Variants in KIAA1328 observed in about 807,000 individuals in gnomAD.
KIAA1328 encodes the protein KIAA1328.
Under a neutral mutation model 68.1 loss-of-function variants are expected in KIAA1328, and 52 were observed. That is an observed-to-expected ratio of 0.76 (90% CI 0.61 to 0.96). The LOEUF is 0.96. Ranked by LOEUF, KIAA1328 falls within the 40% of genes least tolerant of loss-of-function variation. KIAA1328 has a pLI of 0.00. For missense variants in KIAA1328, 641 were observed against 677.6 expected, an observed-to-expected ratio of 0.95 and a Z score of 0.60; for synonymous variants, 232 against 239.4, an observed-to-expected ratio of 0.97 and a Z score of 0.28.
At chr18:36,869,332 C>G in intron 4 of KIAA1328, among the ~76,000 whole-genome samples, 1 of 152,140 alleles carries the variant, frequency 6.6e-6, no homozygotes, top group Non-Finnish European at 1.5e-5. Context: ...TCTAACCAGA[C>G]CCTACCTCCT....
chr18:37,215,308 T>G (rs534848714), intron 9 of KIAA1328, among the ~76,000 whole-genome samples: 178 of 152,044 alleles, frequency 1.2e-3, no homozygotes, highest in African/African-American at 4.1e-3. Flanking sequence ...GCTCTTATTA[T>G]TTCAGGATAC....
chr18:36,954,998 T>A (rs2051347034), intron 5 of KIAA1328, among the ~76,000 whole-genome samples: 1 of 152,008 alleles, frequency 6.6e-6, no homozygotes, highest in Admixed American at 6.6e-5. Flanking sequence ...TTTTTATCCA[T>A]CCTTTCTTCT....
intron 6 of KIAA1328, among the ~76,000 whole-genome samples, chr18:37,021,106 C>G (rs1162697974): frequency 2.0e-5 from 3 of 152,172 alleles, no homozygotes; most frequent in African/African-American, 7.2e-5. Context: ...TTTAACTATA[C>G]TAGAGCTGCT....
intron 6 of KIAA1328, among the ~76,000 whole-genome samples, chr18:36,966,800 G>T (rs764457854): frequency 2.6e-5 from 4 of 152,116 alleles, no homozygotes; most frequent in Non-Finnish European, 4.4e-5. Flanking sequence ...GATGGAAATG[G>T]GTTCCATGGT....
intron 6 of KIAA1328, among the ~76,000 whole-genome samples, chr18:37,063,276 A>G (rs982545268): frequency 6.6e-6 from 1 of 152,098 alleles, no homozygotes; most frequent in African/African-American, 2.4e-5. Flanking sequence ...TGGCCCGCCC[A>G]CAACATAGCA....
In KIAA1328 at chr18:36,835,352, C is replaced by T; in HGVS notation, c.213C>T (p.Gly71=). The T allele has an allele frequency of 6.2e-7, 1 of 1,612,538 alleles. No homozygotes were observed. The highest frequency in any genetic ancestry group is 1.7e-4 in the Middle Eastern group (1 of 6,050). The change falls in exon 3 of 10, where the codon GGC becomes GGT. Residue 71 remains glycine, a synonymous_variant. Transcript: ENST00000280020. Reference sequence around the variant, plus strand: ...CAATCTCCATGGAGTCCTTAAAAGGCACAGGAGATTCAGTAGATGAACAGG... The same window carrying T: ...CAATCTCCATGGAGTCCTTAAAAGGTACAGGAGATTCAGTAGATGAACAGG... ...DASISMESLK[G]TGDSVDEQNS... is the part of the protein sequence containing the mutation.
At chr18:37,034,221 A>G (rs2054941680) in intron 6 of KIAA1328, among the ~76,000 whole-genome samples, 1 of 152,094 alleles carries the variant, frequency 6.6e-6, no homozygotes, top group Admixed American at 6.6e-5. Flanking sequence ...GTATTAAATG[A>G]TTTTTGCTGT....
At chr18:37,179,378 G>GT (rs1226729657) in intron 9 of KIAA1328, among the ~76,000 whole-genome samples, 1 of 152,186 alleles carries the variant, frequency 6.6e-6, no homozygotes, top group African/African-American at 2.4e-5. Context: ...TCAGTTGGCT[G>GT]TAAGTACATA....
At chr18:36,936,322 G>C (rs1310778862) in intron 5 of KIAA1328, among the ~76,000 whole-genome samples, 1 of 152,086 alleles carries the variant, frequency 6.6e-6, no homozygotes, top group Non-Finnish European at 1.5e-5. Flanking sequence ...TCCCCTCTCT[G>C]TGTCCATGTG....
intron 7 of KIAA1328, among the ~76,000 whole-genome samples, chr18:37,109,373 ACCC>A (rs1248322428): frequency 6.6e-6 from 1 of 152,144 alleles, no homozygotes; most frequent in African/African-American, 2.4e-5. Context: ...AAAACATGTT[ACCC>A]CTCGTATATG....
At chr18:36,954,403 A>G (rs1331549923) in intron 5 of KIAA1328, 1 of 152,238 alleles carries the variant, frequency 6.6e-6, no homozygotes, top group Non-Finnish European at 1.5e-5. Context: ...AATTGGACAT[A>G]CATAATTTCT....
intron 7 of KIAA1328, among the ~76,000 whole-genome samples, chr18:37,156,462 C>G (rs2059155752): frequency 7.0e-6 from 1 of 142,394 alleles, no homozygotes; most frequent in African/African-American, 2.6e-5. Context: ...AGAATGGGAA[C>G]GAGGGCTTTC....
intron 7 of KIAA1328, among the ~76,000 whole-genome samples, chr18:37,135,403 G>A (rs1282414211): frequency 6.6e-6 from 1 of 152,172 alleles, no homozygotes; most frequent in Non-Finnish European, 1.5e-5. Context: ...TCTGACTAGT[G>A]TGAGATGGTA....
intron 5 of KIAA1328, among the ~76,000 whole-genome samples, chr18:36,920,637 A>G (rs1383873881): frequency 6.6e-6 from 1 of 152,160 alleles, no homozygotes; most frequent in Non-Finnish European, 1.5e-5. Context: ...CCCATTTCTA[A>G]GATATGGCCT....
chr18:36,963,211 AC>A (rs2051769182), intron 6 of KIAA1328, among the ~76,000 whole-genome samples: 1 of 152,208 alleles, frequency 6.6e-6, no homozygotes, highest in African/African-American at 2.4e-5. Flanking sequence ...TACACGGAAA[AC>A]AAGTCAGGCA....
chr18:37,108,663 G>A (rs2057841901), intron 7 of KIAA1328, among the ~76,000 whole-genome samples: 1 of 152,112 alleles, frequency 6.6e-6, no homozygotes, highest in Admixed American at 6.6e-5. Context: ...TTCTCTCCAT[G>A]CCTTAGCATG....
intron 4 of KIAA1328, among the ~76,000 whole-genome samples, chr18:36,884,585 A>T (rs990331737): frequency 3.3e-5 from 5 of 152,216 alleles, no homozygotes; most frequent in African/African-American, 1.2e-4. Flanking sequence ...TGTTACGCAG[A>T]AATTGCTCTA....
chr18:36,957,247 G>A (rs995843689), intron 5 of KIAA1328, among the ~76,000 whole-genome samples: 1 of 152,082 alleles, frequency 6.6e-6, no homozygotes, highest in African/African-American at 2.4e-5. Context: ...CTAATATTTC[G>A]ACCCTTAATC....
At chr18:37,011,424 C>T (rs2053976845) in intron 6 of KIAA1328, among the ~76,000 whole-genome samples, 1 of 152,152 alleles carries the variant, frequency 6.6e-6, no homozygotes, top group Non-Finnish European at 1.5e-5. Context: ...AAATCCAGTG[C>T]ACTCTTCATT....
Sources: allele counts gnomAD v4.1 joint callset (sites outside exome capture counted in the v4.1 genomes callset), GRCh38; gene constraint gnomAD v4.1.1; transcripts MANE v1.5; gene names NCBI Gene and HGNC (gene_info 2026-07-23, HGNC 2026-07-21).